The following PAMR1 variants were observed in gnomAD, a reference collection of about 807,000 sequenced individuals.
PAMR1 encodes inactive serine protease PAMR1.
A neutral mutation model predicts 81.8 loss-of-function variants in PAMR1; 88 were observed. The ratio of observed to expected loss-of-function variants is 1.08; its 90% CI spans 0.91 to 1.28. The LOEUF is 1.28. Ranked by LOEUF, PAMR1 falls within the 50% of genes most tolerant of loss-of-function variation. The pLI, the probability that PAMR1 is intolerant of heterozygous loss-of-function variation, is 0.00. For synonymous variants in PAMR1, 336 were observed against 345.3 expected (o/e 0.97, Z 0.30); for missense variants, 935 against 919.7 (o/e 1.02, Z -0.21).
chr11:35,472,595 G>C (rs1343776243), intron 4 of PAMR1, among the ~76,000 whole-genome samples: 1 of 152,224 alleles, frequency 6.6e-6, no homozygotes, highest in Non-Finnish European at 1.5e-5. Context: ...TTAAGTTTCT[G>C]ACACAATGTG....
chr11:35,432,372 T>G lies in PAMR1; in HGVS notation c.2147A>C (p.Glu716Ala). The stretch of plus-strand genomic sequence containing the variant: ...GAGCATGGTTCATTTCATATTTCTT[T>G]CAATCCAGTCTTTAAAAGGCAGCAC... ...TKVLPFKDWIERNMK is the reference protein window; with the variant it reads ...TKVLPFKDWIARNMK Residue 716 changes from glutamate (E) to alanine (A), a missense_variant, in exon 11 of 11, where the codon GAA becomes GCA. Transcript: ENST00000619888. The G allele has an allele frequency of 1.2e-6, 2 of 1,611,832 alleles. No individual in the cohort carries two copies. The highest frequency in any genetic ancestry group is 1.7e-6 in the Non-Finnish European group (2 of 1,179,776).
chr11:35,472,987 C>T (rs759011273), intron 4 of PAMR1, among the ~76,000 whole-genome samples: 2 of 152,006 alleles, frequency 1.3e-5, no homozygotes, highest in Non-Finnish European at 2.9e-5. Flanking sequence ...GCAGAGCTGG[C>T]AGGAGTGGAA....
Position 35,453,928 on chromosome 11 carries a change from G to A in PAMR1, c.821-12235C>T, listed in dbSNP as rs142525200. 2.0e-5 allele frequency among the ~76,000 whole-genome samples: 3 copies of A among 152,276 alleles called. No individual in the cohort carries two copies. In the East Asian group the frequency reaches 5.8e-4, roughly 29 times the overall value. The stretch of plus-strand genomic sequence containing the variant: ...CATCCTGGAGACAGAAACACACTAG[G>A]TTTAGCATGCCCTTACATGCTATTG... On this transcript the variant is annotated intron_variant, in intron 6 of 10. Transcript: ENST00000619888.
intron 1 of PAMR1, among the ~76,000 whole-genome samples, chr11:35,522,829 T>C (rs535808437): frequency 6.6e-6 from 1 of 152,338 alleles, no homozygotes; most frequent in East Asian, 1.9e-4. Context: ...ACACGGATAA[T>C]AACAGCAATG....
intron 6 of PAMR1, among the ~76,000 whole-genome samples, chr11:35,453,765 T>G (rs866657277): frequency 1.6e-4 from 24 of 151,862 alleles, no homozygotes; most frequent in Admixed American, 3.3e-4. Flanking sequence ...GTGGGATGGG[T>G]TTTTTTTGGT....
At chr11:35,447,410 T>C (rs1856319348) in intron 6 of PAMR1, among the ~76,000 whole-genome samples, 1 of 152,156 alleles carries the variant, frequency 6.6e-6, no homozygotes, top group Non-Finnish European at 1.5e-5. Context: ...TTCGCCATGT[T>C]AGCCAGGATG....
Position 35,492,048 on chromosome 11 carries a change from TGCAGTCTCCTCCGTACCA to T in PAMR1, c.358_375del (p.Trp120_Cys125del). On this transcript the variant is annotated inframe_deletion, in exon 3 of 11. Coordinates refer to ENST00000619888, the MANE Select transcript of PAMR1 (RefSeq NM_001001991.3). Reference sequence around the variant, plus strand: ...AGCTAGGTCAAGGTCTACTTACGCATGCAGTCTCCTCCGTACCAGCCTGCTCGGCACTCTGCACAGTAG... The same window carrying T: ...AGCTAGGTCAAGGTCTACTTACGCATGCCTGCTCGGCACTCTGCACAGTAG... The T allele has an allele frequency of 1.9e-6, 3 of 1,612,116 alleles. No homozygotes were observed. The highest frequency in any genetic ancestry group is 2.5e-6 in the Non-Finnish European group (3 of 1,179,034).
rs143280504 is a variant in PAMR1 at position 35,508,659 on chromosome 11, G to C, written c.74-14387C>G. ...CCCAGGTAATAAGCATAGTACCTAA[G>C]AGATATCTTTTTATGCTCATTCTCC... On this transcript the variant is annotated intron_variant, in intron 1 of 10. Transcript: ENST00000619888. Among the ~76,000 whole-genome samples the C allele has an allele frequency of 5.7e-3, 867 of 151,582 alleles. 7 individuals are homozygous for C. Among genetic ancestry groups the C allele is most frequent in the Middle Eastern group, 0.031 (9 of 292 alleles).
At chr11:35,452,546 TG>T (rs1217995424) in intron 6 of PAMR1, among the ~76,000 whole-genome samples, 1 of 152,212 alleles carries the variant, frequency 6.6e-6, no homozygotes, top group Non-Finnish European at 1.5e-5. Context: ...AGCCAAGGGT[TG>T]GGGGAGAAAC....
chr11:35,524,443 T>C (rs1292270194), intron 1 of PAMR1, among the ~76,000 whole-genome samples: 1 of 152,200 alleles, frequency 6.6e-6, no homozygotes, highest in Non-Finnish European at 1.5e-5. Flanking sequence ...ACACAGGTTA[T>C]TGCATTTAGT....
intron 2 of PAMR1, 22 bp from the exon 3 acceptor site, chr11:35,492,195 G>A: frequency 6.2e-7 from 1 of 1,613,604 alleles, no homozygotes. Flanking sequence ...CCAAGAAGAG[G>A]AGTGTTAGGC....
chr11:35,514,923 C>T (rs635896), intron 1 of PAMR1, among the ~76,000 whole-genome samples: 98,240 of 152,076 alleles, frequency 0.65, 33,880 homozygotes, highest in East Asian at 0.97. Flanking sequence ...GAGGATCACT[C>T]GAGCCCAGCA....
At chr11:35,478,547 A>G (rs1850323294) in intron 3 of PAMR1, among the ~76,000 whole-genome samples, 1 of 78 alleles carries the variant, frequency 0.013, no homozygotes, top group Admixed American at 0.12. Context: ...CAGCAAGAGG[A>G]GGAGGGAGCG....
intron 6 of PAMR1, among the ~76,000 whole-genome samples, chr11:35,448,513 CT>C (rs1315885138): frequency 6.6e-6 from 1 of 152,144 alleles, no homozygotes; most frequent in Non-Finnish European, 1.5e-5. Context: ...CCTCTCTAGA[CT>C]GATTATTCTG....
chr11:35,433,786 C>T (rs370160975), intron 10 of PAMR1, among the ~76,000 whole-genome samples: 2 of 129,656 alleles, frequency 1.5e-5, no homozygotes, highest in East Asian at 4.2e-4. Flanking sequence ...ATGGATGGAT[C>T]GATGGCTGGA....
intron 6 of PAMR1, among the ~76,000 whole-genome samples, chr11:35,464,731 G>A (rs1014326594): frequency 2.6e-5 from 4 of 152,146 alleles, no homozygotes; most frequent in Non-Finnish European, 5.9e-5. Context: ...TGCTTCCACT[G>A]GGAACCAGGA....
intron 1 of PAMR1, among the ~76,000 whole-genome samples, chr11:35,523,837 C>T (rs575083961): frequency 3.3e-5 from 5 of 152,184 alleles, no homozygotes; most frequent in Admixed American, 2.0e-4. Context: ...CAACAAACTG[C>T]GTATCCTCTC....
rs1856165985 is a variant in PAMR1, at chr11:35,441,548, A to T, written c.966T>A (p.Ser322Arg). 1 of 1,613,886 alleles carries T rather than the reference A, an allele frequency of 6.2e-7. No homozygotes were observed. The highest frequency in any genetic ancestry group is 8.5e-7 in the Non-Finnish European group (1 of 1,179,914). The change falls in exon 7 of 11, where the codon AGT (serine) becomes AGA (arginine). Residue 322 changes from serine to arginine, a missense_variant. Transcript: ENST00000619888. ...SFFCNNSYVL[S>R]GNEKRTCQQN... is the part of the protein sequence containing the mutation. ...GCTGGCAAGTTCTTTTCTCATTGCC[A>T]CTAAGAACATAGGAGTTGTTACAAA...
intron 6 of PAMR1, chr11:35,451,786 C>A: frequency 3.5e-6 from 2 of 569,128 alleles, no homozygotes; most frequent in South Asian, 2.3e-5. Context: ...CCCTCATGAA[C>A]GAGATTAGTG....
Sources: allele counts gnomAD v4.1 joint callset (sites outside exome capture counted in the v4.1 genomes callset), GRCh38; gene constraint gnomAD v4.1.1; transcripts MANE v1.5; gene names NCBI Gene and HGNC (gene_info 2026-07-23, HGNC 2026-07-21).